The following OPA1 variants were observed in gnomAD, a reference collection of about 807,000 sequenced individuals.
OPA1 encodes the protein OPA1 mitochondrial dynamin like GTPase.
In OPA1, 59 loss-of-function variants were observed where a neutral mutation model predicts 152.9. The ratio of observed to expected loss-of-function variants is 0.39; its 90% CI spans 0.31 to 0.48. The LOEUF (loss-of-function observed/expected upper bound fraction) is 0.48, where lower values mean the gene tolerates loss of function less well. OPA1 is among the 20% of genes least tolerant of loss of function. The pLI is 0.96. For missense variants in OPA1, 1,008 were observed against 1,216.8 expected (o/e 0.83, Z 2.55); for synonymous variants, 400 against 389.9 (o/e 1.03, Z -0.31).
At chr3:193,625,320 A>G (rs958128769) in intron 6 of OPA1, among the ~76,000 whole-genome samples, 1 of 152,172 alleles carries the variant, frequency 6.6e-6, no homozygotes, top group Non-Finnish European at 1.5e-5. Context: ...AGAATTTCAT[A>G]ATAACTATAT....
chr3:193,645,387 A>T lies in OPA1; in HGVS notation c.1609-166A>T, dbSNP rs889745667. 2.6e-5 allele frequency among the ~76,000 whole-genome samples: 4 copies of T among 152,226 alleles called. No individual in the cohort carries two copies. The East Asian group carries it at 5.8e-4, about 22-fold the overall frequency. On this transcript the variant is annotated intron_variant, in intron 16 of 30. Coordinates refer to ENST00000361510, the MANE Select transcript of OPA1 (RefSeq NM_130837.3). Reference sequence around the variant, plus strand: ...TACATTTTCAATGTAGTAAAATTAAATGTATTTTTTTCAAATAGCAATGGA... The same window carrying T: ...TACATTTTCAATGTAGTAAAATTAATTGTATTTTTTTCAAATAGCAATGGA...
chr3:193,690,084 G>T (rs966431842), intron 29 of OPA1, among the ~76,000 whole-genome samples: 1 of 151,344 alleles, frequency 6.6e-6, no homozygotes, highest in Non-Finnish European at 1.5e-5. Context: ...TAAGAATGTG[G>T]CCTTATTTTG....
intron 29 of OPA1, among the ~76,000 whole-genome samples, chr3:193,686,781 T>C (rs1436968182): frequency 6.6e-6 from 1 of 152,218 alleles, no homozygotes; most frequent in Non-Finnish European, 1.5e-5. Flanking sequence ...TACAGTAGAA[T>C]CTCACTTAGA....
chr3:193,599,877 AAAGG>A (rs1213523659), intron 1 of OPA1, among the ~76,000 whole-genome samples: 1 of 152,234 alleles, frequency 6.6e-6, no homozygotes, highest in Non-Finnish European at 1.5e-5. Context: ...TATAGACAGA[AAAGG>A]TAAAGTGACC....
In OPA1 at chr3:193,659,516, C is replaced by G; in HGVS notation, c.2475C>G (p.Asp825Glu). The G allele has an allele frequency of 6.2e-7, 1 of 1,611,936 alleles. No homozygotes were observed. Among genetic ancestry groups the G allele is most frequent in the Non-Finnish European group, 8.5e-7 (1 of 1,178,902 alleles). ...CAATTGAAAACATGGTGGGTCCAGA[C>G]TGGAAAAAGAGGTGGTTATACTGGA... Reference protein sequence around the residue: ...ENAIENMVGPDWKKRWLYWKN... With the variant: ...ENAIENMVGPEWKKRWLYWKN... The change falls in exon 25 of 31, where the codon GAC (aspartate) becomes GAG (glutamate). Residue 825 changes from aspartate to glutamate, a missense_variant. Physicochemically the swap from Asp to Glu is conservative, Grantham distance 45. Around this residue, in one of 7 missense-constraint regions of OPA1, gnomAD observed 229 missense variants for 269.0 expected, o/e 0.85. Coordinates refer to ENST00000361510, the MANE Select transcript of OPA1 (RefSeq NM_130837.3).
chr3:193,678,244 T>C (rs921716833), intron 29 of OPA1, among the ~76,000 whole-genome samples: 1 of 152,216 alleles, frequency 6.6e-6, no homozygotes, highest in Non-Finnish European at 1.5e-5. Flanking sequence ...CACTGCTTCA[T>C]AGACTGTGTC....
chr3:193,674,262 C>T (rs1354617392), intron 29 of OPA1, among the ~76,000 whole-genome samples: 2 of 152,142 alleles, frequency 1.3e-5, no homozygotes, highest in Admixed American at 1.3e-4. Flanking sequence ...GCAAAGATAC[C>T]ACCTTTTTAT....
intron 1 of OPA1, among the ~76,000 whole-genome samples, chr3:193,595,396 TAGTC>T (rs1405969204): frequency 6.6e-6 from 1 of 152,232 alleles, no homozygotes; most frequent in African/African-American, 2.4e-5. Context: ...TTAAAAGTGA[TAGTC>T]AATGAACAAG....
intron 9 of OPA1, among the ~76,000 whole-genome samples, chr3:193,636,310 C>G: frequency 6.6e-6 from 1 of 151,238 alleles, no homozygotes; most frequent in Middle Eastern, 3.4e-3. Context: ...AAGTCATTTC[C>G]AAGTGCTAAT....
chr3:193,609,428 C>T (rs1341437100), intron 1 of OPA1, among the ~76,000 whole-genome samples: 1 of 152,152 alleles, frequency 6.6e-6, no homozygotes, highest in Non-Finnish European at 1.5e-5. Flanking sequence ...GATGGGCTTC[C>T]CTTTGTGGGT....
chr3:193,617,046 T>G, intron 3 of OPA1, 132 bp from the exon 4 acceptor site: 1 of 623,768 alleles, frequency 1.6e-6, no homozygotes. Context: ...CATCTGTAAA[T>G]GGTGTTGATA....
chr3:193,613,281 A>G (rs907834101), intron 1 of OPA1, among the ~76,000 whole-genome samples: 6 of 152,166 alleles, frequency 3.9e-5, no homozygotes, highest in African/African-American at 9.7e-5. Context: ...GTGCTAGGTT[A>G]TGGTTTGTCC....
chr3:193,611,279 T>G (rs1577144928), intron 1 of OPA1, among the ~76,000 whole-genome samples: 1 of 151,786 alleles, frequency 6.6e-6, no homozygotes, highest in African/African-American at 2.4e-5. Context: ...CCTTTTGAGG[T>G]TTTTTTTGCT....
Position 193,621,700 on chromosome 3 carries a change from C to T in OPA1, c.678+2764C>T, listed in dbSNP as rs145020529. On this transcript the variant is annotated intron_variant, in intron 6 of 30. Coordinates refer to ENST00000361510, the MANE Select transcript of OPA1 (RefSeq NM_130837.3). ...GTATGATTGACATACATTAAAACCA[C>T]CTCTTAATAAATGCTTCTTGTTAAT... Among the ~76,000 whole-genome samples the T allele has an allele frequency of 7.7e-3, 1,168 of 152,256 alleles. 10 individuals are homozygous for T. The highest frequency in any genetic ancestry group is 0.013 in the Non-Finnish European group (917 of 68,016).
intron 24 of OPA1, among the ~76,000 whole-genome samples, 192 bp downstream of exon 24, chr3:193,659,187 CATG>C (rs1208716875): frequency 1.3e-5 from 2 of 152,184 alleles, no homozygotes; most frequent in Non-Finnish European, 2.9e-5. Flanking sequence ...AAAATGGACA[CATG>C]ATGCTTATAT....
intron 1 of OPA1, among the ~76,000 whole-genome samples, chr3:193,594,970 TAAG>T (rs766937810): frequency 1.3e-5 from 2 of 152,206 alleles, no homozygotes; most frequent in Admixed American, 1.3e-4. Flanking sequence ...TTAAGATGTA[TAAG>T]AAGAACTACA....
intron 23 of OPA1, among the ~76,000 whole-genome samples, 163 bp from the exon 24 acceptor site, chr3:193,658,724 G>A (rs1010732005): frequency 2.6e-5 from 4 of 152,170 alleles, no homozygotes; most frequent in African/African-American, 9.7e-5. Context: ...AAATAAGCAG[G>A]CAAGTAAAAG....
intron 21 of OPA1, among the ~76,000 whole-genome samples, chr3:193,652,745 T>C (rs1712826261): frequency 6.6e-6 from 1 of 151,974 alleles, no homozygotes; most frequent in Non-Finnish European, 1.5e-5. Context: ...ACAGAAATTG[T>C]TGGGATGGAG....
At chr3:193,612,197 A>G (rs1481417122) in intron 1 of OPA1, among the ~76,000 whole-genome samples, 2 of 150,498 alleles carry the variant, frequency 1.3e-5, no homozygotes, top group African/African-American at 4.9e-5. Context: ...TAGACCATGG[A>G]GTGAAAGTAG....
Sources: gnomAD v4.1 joint callset for allele counts (sites outside exome capture counted in the v4.1 genomes callset) on GRCh38, gnomAD v4.1.1 for gene constraint, gnomAD v4.1.1 regional missense constraint, MANE v1.5 for transcripts, NCBI Gene and HGNC (gene_info 2026-07-23, HGNC 2026-07-21) for gene names.